Variants in SYCP2L observed in about 807,000 individuals in gnomAD.
SYCP2L encodes synaptonemal complex protein 2-like.
A neutral mutation model predicts 125.8 loss-of-function variants in SYCP2L; 98 were observed. That is an observed-to-expected ratio of 0.78 (90% CI 0.66 to 0.92). The LOEUF (loss-of-function observed/expected upper bound fraction) is 0.92, where lower values mean the gene tolerates loss of function less well. Among genes scored for constraint, SYCP2L ranks in the 40% least tolerant of loss-of-function variants. SYCP2L has a pLI of 0.00. For synonymous variants in SYCP2L, 317 were observed against 325.4 expected, an observed-to-expected ratio of 0.97 and a Z score of 0.28; for missense variants, 842 against 936.4, an observed-to-expected ratio of 0.90 and a Z score of 1.32.
At chr6:10,891,487 T>G in intron 1 of SYCP2L, 26 bp from the exon 2 acceptor site, 2 of 1,476,804 alleles carry the variant, frequency 1.4e-6, no homozygotes, top group Non-Finnish European at 1.9e-6. Context: ...AAAAATTGTT[T>G]AAAAACATGT....
At chr6:10,925,103 T>G (rs934540901) in intron 15 of SYCP2L, among the ~76,000 whole-genome samples, 1 of 152,106 alleles carries the variant, frequency 6.6e-6, no homozygotes, top group Non-Finnish European at 1.5e-5. Context: ...CTGGGGAGGC[T>G]TCACAATCAT....
At chr6:10,971,225 G>A (rs965316208) in intron 29 of SYCP2L, among the ~76,000 whole-genome samples, 3 of 152,042 alleles carry the variant, frequency 2.0e-5, no homozygotes, top group Non-Finnish European at 2.9e-5. Flanking sequence ...TTGGGAGGCC[G>A]AGGCAGGCAG....
intron 6 of SYCP2L, among the ~76,000 whole-genome samples, chr6:10,900,525 G>A (rs1447787750): frequency 6.6e-6 from 1 of 152,054 alleles, no homozygotes; most frequent in African/African-American, 2.4e-5. Context: ...GCTAATTTTT[G>A]TATTTTTAGT....
Position 10,894,130 on chromosome 6 carries a change from T to G in SYCP2L, c.262T>G (p.Cys88Gly). The change falls in exon 4 of 30, where the codon TGT (cysteine) becomes GGT (glycine). Residue 88 changes from cysteine to glycine, a missense_variant. Coordinates refer to ENST00000283141, the MANE Select transcript of SYCP2L (RefSeq NM_001040274.3). ...EFQSVSLLLKCIQRFLVDGLK... is the reference protein window; with the variant it reads ...EFQSVSLLLKGIQRFLVDGLK... ...TCAGTCTGTGTCACTGTTGCTGAAA[T>G]GTATTCAGCGATTCCTCGTAGATGG... 6.2e-7 allele frequency: 1 copy of G among 1,613,632 alleles called. No homozygotes were observed. The highest frequency in any genetic ancestry group is 2.2e-5 in the East Asian group (1 of 44,858).
chr6:10,898,019 C>T lies in SYCP2L; in HGVS notation c.345C>T (p.Ser115=), dbSNP rs1175260023. The change falls in exon 5 of 30, where the codon TCC becomes TCT. Residue 115 remains serine (S), a synonymous_variant. Transcript: ENST00000283141. ...AGTGTCCTCCTGTGTACCTAGTTTC[C>T]TGGTTTGAAAGAACAACAGGAATTC... ...IRQGLIPKLV[S]WFERTTGILT... 2 of 1,613,520 alleles carry T rather than the reference C, an allele frequency of 1.2e-6. No individual in the cohort carries two copies. Among genetic ancestry groups the T allele is most frequent in the Non-Finnish European group, 8.5e-7 (1 of 1,179,490 alleles).
At chr6:10,887,208 G>C in intron 1 of SYCP2L, 73 bp downstream of exon 1, 1 of 1,600,910 alleles carries the variant, frequency 6.2e-7, no homozygotes, top group Non-Finnish European at 8.5e-7. Context: ...GGTCCCTGGG[G>C]CTCAGGTTCT....
At chr6:10,967,132 A>G (rs1781695344) in intron 29 of SYCP2L, among the ~76,000 whole-genome samples, 1 of 152,182 alleles carries the variant, frequency 6.6e-6, no homozygotes, top group Admixed American at 6.5e-5. Flanking sequence ...ACCTAGAATC[A>G]TAATTAAAGA....
At chr6:10,935,485 A>G (rs368187345) in intron 21 of SYCP2L, among the ~76,000 whole-genome samples, 19 of 151,942 alleles carry the variant, frequency 1.3e-4, no homozygotes, top group South Asian at 2.1e-4. Flanking sequence ...TAAGGTTCCA[A>G]TAGTAAATAT....
intron 29 of SYCP2L, among the ~76,000 whole-genome samples, chr6:10,964,587 A>G (rs564453621): frequency 6.6e-6 from 1 of 152,246 alleles, no homozygotes; most frequent in African/African-American, 2.4e-5. Context: ...TAAAATTTAA[A>G]TTTTAAAAAT....
intron 1 of SYCP2L, among the ~76,000 whole-genome samples, chr6:10,890,819 AG>A: frequency 6.6e-6 from 1 of 152,112 alleles, no homozygotes; most frequent in Admixed American, 6.5e-5. Flanking sequence ...TGGGATCTTA[AG>A]TGTAAGCTTT....
At chr6:10,888,991 A>AG (rs1780131210) in intron 1 of SYCP2L, among the ~76,000 whole-genome samples, 1 of 152,104 alleles carries the variant, frequency 6.6e-6, no homozygotes, top group African/African-American at 2.4e-5. Flanking sequence ...CCTCACGAGT[A>AG]GCTGGGTCTA....
At chr6:10,959,562 G>A (rs1162018478) in intron 26 of SYCP2L, among the ~76,000 whole-genome samples, 1 of 152,156 alleles carries the variant, frequency 6.6e-6, no homozygotes, top group East Asian at 1.9e-4. Flanking sequence ...TATGTTATGT[G>A]TATTTTACCA....
Position 10,961,291 on chromosome 6 carries a change from T to G in SYCP2L, c.2256-14T>G. On this transcript the variant is annotated splice_polypyrimidine_tract_variant and intron_variant, in intron 26 of 29. Coordinates refer to ENST00000283141, the MANE Select transcript of SYCP2L (RefSeq NM_001040274.3). ...AGCGATCCCAATGATATTTACTGCT[T>G]TTATGTTTATTAGACTCAATAAACT... 6.2e-7 allele frequency: 1 copy of G among 1,605,676 alleles called. No homozygotes were observed. Among genetic ancestry groups the G allele is most frequent in the Non-Finnish European group, 8.5e-7 (1 of 1,172,574 alleles).
chr6:10,887,469 C>A (rs1301359096), intron 1 of SYCP2L, among the ~76,000 whole-genome samples: 2 of 152,132 alleles, frequency 1.3e-5, no homozygotes, highest in African/African-American at 2.4e-5. Context: ...CACCTTGCTG[C>A]GTAGAAAGTG....
At position 10,959,611 on chromosome 6, in the gene SYCP2L, T is replaced by C. The variant is rs528377347; in HGVS notation, c.2255+736T>C. On this transcript the variant is annotated intron_variant, in intron 26 of 29. Coordinates refer to ENST00000283141, the MANE Select transcript of SYCP2L (RefSeq NM_001040274.3). ...CCAGCCAGGCGTGGTGGCTCACGCC[T>C]GTAATCCCGGTACTTTGGGAGGCTG... Among the ~76,000 whole-genome samples the C allele has an allele frequency of 8.7e-4, 133 of 152,210 alleles. 2 individuals are homozygous for C. The highest frequency in any genetic ancestry group is 1.7e-3 in the Non-Finnish European group (114 of 68,038).
In SYCP2L at chr6:10,898,081, T is replaced by G. The variant is rs1780290393; in HGVS notation, c.407T>G (p.Ile136Ser). Reference sequence around the variant, plus strand: ...GGCCTAGCCTCAGACACGTCGCTGATTTGTGTTATAGAAGATTTCTTTGAC... The same window carrying G: ...GGCCTAGCCTCAGACACGTCGCTGAGTTGTGTTATAGAAGATTTCTTTGAC... The part of the protein sequence containing the change: ...SEGLASDTSL[I>S]CVIEDFFDTA... Residue 136 changes from isoleucine (I) to serine (S), a missense_variant, in exon 5 of 30, where the codon ATT becomes AGT. Transcript: ENST00000283141. The G allele has an allele frequency of 6.2e-7, 1 of 1,613,886 alleles. No homozygotes were observed. Among genetic ancestry groups the G allele is most frequent in the African/African-American group, 1.3e-5 (1 of 74,916 alleles).
intron 4 of SYCP2L, among the ~76,000 whole-genome samples, chr6:10,894,684 A>G (rs143430006): frequency 1.1e-3 from 168 of 150,904 alleles, no homozygotes; most frequent in African/African-American, 4.0e-3. Context: ...AAGTTACCCA[A>G]ATTATCAGCT....
At position 10,912,879 on chromosome 6, in the gene SYCP2L, G is replaced by A; in HGVS notation, c.1024G>A (p.Asp342Asn). Residue 342 changes from aspartate to asparagine, a missense_variant, in exon 14 of 30, where the codon GAC (aspartate) becomes AAC (asparagine). By Grantham distance (23) the Asp-to-Asn change is conservative (BLOSUM62 1). Coordinates refer to ENST00000283141, the MANE Select transcript of SYCP2L (RefSeq NM_001040274.3). This position sits in a 1 kb window ranked among gnomAD's most constrained non-coding sequence, Gnocchi z 4.1. ...YIDNAENTLW[D>N]SVTLPKEAVM... ...TTATTTTCCCAAGAATACTCTATGG[G>A]ACTCAGTGACACTTCCGAAGGAAGC... 1.2e-6 allele frequency: 2 copies of A among 1,613,858 alleles called. No homozygotes were observed. Among genetic ancestry groups the A allele is most frequent in the East Asian group, 2.2e-5 (1 of 44,858 alleles).
chr6:10,973,354 G>A (rs150697433), intron 29 of SYCP2L, among the ~76,000 whole-genome samples: 2,884 of 152,212 alleles, frequency 0.019, 89 homozygotes, highest in African/African-American at 0.064. Context: ...CCAATGTGGC[G>A]AAACCCCGTC....
Sources: allele counts gnomAD v4.1 joint callset (sites outside exome capture counted in the v4.1 genomes callset), GRCh38; gene constraint gnomAD v4.1.1; non-coding constraint Gnocchi (gnomAD v3.1); transcripts MANE v1.5; gene names NCBI Gene and HGNC (gene_info 2026-07-23, HGNC 2026-07-21).